KLHL3: variants seen among roughly 807,000 people sequenced by gnomAD.
KLHL3 encodes kelch like family member 3, also known as kelch-like protein 3.
A neutral mutation model predicts 70.5 loss-of-function variants in KLHL3; 19 were observed. That is an observed-to-expected ratio of 0.27 (90% CI 0.19 to 0.40). The LOEUF (loss-of-function observed/expected upper bound fraction) is 0.40. Ranked by LOEUF, KLHL3 falls within the 10% of genes least tolerant of loss-of-function variation. The pLI is 1.00. For synonymous variants in KLHL3, 258 were observed against 290.3 expected (o/e 0.89, Z 1.13); for missense variants, 512 against 771.1 (o/e 0.66, Z 3.98).
intron 6 of KLHL3, chr5:137,674,016 T>C (rs559524512): frequency 4.6e-5 from 7 of 152,312 alleles, no homozygotes; most frequent in African/African-American, 1.4e-4. Context: ...TCAACAGTTA[T>C]GACTACTACT....
At chr5:137,693,037 C>G (rs1322669276) in intron 4 of KLHL3, among the ~76,000 whole-genome samples, 1 of 152,198 alleles carries the variant, frequency 6.6e-6, no homozygotes, top group African/African-American at 2.4e-5. Flanking sequence ...CACTGTCCCA[C>G]AACCTTCAGT....
At chr5:137,654,684 G>A (rs905282121) in intron 8 of KLHL3, among the ~76,000 whole-genome samples, 1 of 152,216 alleles carries the variant, frequency 6.6e-6, no homozygotes, top group African/African-American at 2.4e-5. Flanking sequence ...GAGACAAAGA[G>A]TAGTGATGTC....
At chr5:137,662,559 G>A (rs1244628805) in intron 6 of KLHL3, among the ~76,000 whole-genome samples, 2 of 152,166 alleles carry the variant, frequency 1.3e-5, no homozygotes, top group African/African-American at 4.8e-5. Flanking sequence ...GACACTGAAT[G>A]ACAAGGAATG....
intron 3 of KLHL3, chr5:137,706,034 A>G (rs1464284087): frequency 2.0e-6 from 2 of 985,374 alleles, no homozygotes; most frequent in African/African-American, 3.5e-5. Flanking sequence ...ACACTCTCTG[A>G]TGGGCACTCA....
At position 137,617,501 on chromosome 5, in the gene KLHL3, T is replaced by C. The variant is rs1029692886; in HGVS notation, c.*4597A>G. 5.9e-5 allele frequency: 9 copies of C among 152,224 alleles called. No individual in the cohort carries two copies. Among genetic ancestry groups the C allele is most frequent in the African/African-American group, 2.2e-4 (9 of 41,460 alleles). The allele number at this position is 152,224 out of a possible 1,614,324, so 9.4% of individuals were successfully genotyped here. ...ATAGAAATGAAATACTGAGAAAAGTTCACACAGTTCAGCTTTTATTAAAAT... is the reference window on the plus strand; with the variant it reads ...ATAGAAATGAAATACTGAGAAAAGTCCACACAGTTCAGCTTTTATTAAAAT... On this transcript the variant is annotated 3_prime_UTR_variant, in exon 15 of 15. Transcript: ENST00000309755.
At chr5:137,724,446 A>G (rs1388550022) in intron 1 of KLHL3, among the ~76,000 whole-genome samples, 1 of 152,214 alleles carries the variant, frequency 6.6e-6, no homozygotes, top group Non-Finnish European at 1.5e-5. Flanking sequence ...ATAATGATGT[A>G]TCCCCTGTTG....
At chr5:137,727,781 C>T (rs1580790135) in intron 1 of KLHL3, among the ~76,000 whole-genome samples, 1 of 152,110 alleles carries the variant, frequency 6.6e-6, no homozygotes, top group East Asian at 1.9e-4. Flanking sequence ...TACTGTGCTT[C>T]CTTCTGTATT....
At position 137,732,489 on chromosome 5, in the gene KLHL3, T is replaced by A. The variant is rs1753194593; in HGVS notation, c.14+3144A>T. ...TTGTCTATAAAAAGAAAGATTAAGG[T>A]AGATCTTGGTGAAACCTAAAAGAAG... On this transcript the variant is annotated intron_variant, in intron 1 of 14. Coordinates refer to ENST00000309755, the MANE Select transcript of KLHL3 (RefSeq NM_017415.3). Among the ~76,000 whole-genome samples, 3 of 150,492 alleles carry A rather than the reference T, an allele frequency of 2.0e-5. 1 individual carries two copies. The Admixed American group carries it at 2.0e-4, about 10-fold the overall frequency.
intron 3 of KLHL3, among the ~76,000 whole-genome samples, chr5:137,704,909 A>G (rs1030667384): frequency 2.6e-5 from 4 of 152,202 alleles, no homozygotes; most frequent in African/African-American, 9.7e-5. Context: ...GCCCTATGTC[A>G]CTGTCACTTA....
intron 5 of KLHL3, among the ~76,000 whole-genome samples, chr5:137,689,824 A>G (rs1403842097): frequency 6.6e-6 from 1 of 152,244 alleles, no homozygotes; most frequent in Admixed American, 6.5e-5. Context: ...GTAATTTTAA[A>G]TTTTAAAAAA....
intron 1 of KLHL3, among the ~76,000 whole-genome samples, chr5:137,735,128 C>A (rs1753239562): frequency 6.6e-6 from 1 of 152,168 alleles, no homozygotes; most frequent in South Asian, 2.1e-4. Context: ...CAGGCATACA[C>A]GGCGTGCACG....
At chr5:137,651,245 G>A (rs1165278723) in intron 8 of KLHL3, among the ~76,000 whole-genome samples, 8 of 152,192 alleles carry the variant, frequency 5.3e-5, no homozygotes, top group South Asian at 2.1e-4. Context: ...CTACAGTTGC[G>A]TAGAGGAGCT....
At chr5:137,658,621 A>G (rs4835650) in intron 7 of KLHL3, among the ~76,000 whole-genome samples, 144,830 of 152,292 alleles carry the variant, frequency 0.95, 69,303 homozygotes, top group East Asian at 1. Flanking sequence ...ACAAGTAGCC[A>G]TCCTGAAAGC....
intron 1 of KLHL3, among the ~76,000 whole-genome samples, chr5:137,727,343 G>A (rs762853840): frequency 6.6e-6 from 1 of 151,802 alleles, no homozygotes; most frequent in African/African-American, 2.4e-5. Flanking sequence ...CCCATTCCAG[G>A]TCATCATTGT....
chr5:137,731,881 A>C (rs1294232280), intron 1 of KLHL3, among the ~76,000 whole-genome samples: 23 of 152,066 alleles, frequency 1.5e-4, no homozygotes, highest in Admixed American at 1.5e-3. Flanking sequence ...AAAATGTATA[A>C]TTTTAACCGT....
intron 1 of KLHL3, among the ~76,000 whole-genome samples, chr5:137,733,858 C>A (rs538862550): frequency 6.6e-6 from 1 of 152,190 alleles, no homozygotes; most frequent in Admixed American, 6.5e-5. Context: ...AAGACTTGAA[C>A]GCGTGGCATG....
Position 137,709,919 on chromosome 5 carries a change from AG to A in KLHL3, c.135-64del, listed in dbSNP as rs1752760865. Reference sequence around the variant, plus strand: ...CAAGGACACCTACCCTCATCTTACAAGGGTATTTTTTTCTCCCACCCAGATT... The same window carrying A: ...CAAGGACACCTACCCTCATCTTACAAGGTATTTTTTTCTCCCACCCAGATT... On this transcript the variant is annotated intron_variant, in intron 2 of 14. Transcript: ENST00000309755. The A allele has an allele frequency of 4.5e-6, 6 of 1,337,144 alleles. No individual in the cohort carries two copies. In the South Asian group the frequency reaches 7.0e-5, roughly 16 times the overall value. 82.8% of individuals were successfully genotyped at this position (1,337,144 alleles called of 1,614,324 possible). A position where few individuals can be genotyped will look rare whatever the true frequency, so the allele number is the denominator to read the frequency against.
rs1284249324 is a variant in KLHL3, at chr5:137,619,648, G to A, written c.*2450C>T. The A allele has an allele frequency of 6.5e-6, 1 of 152,772 alleles. No individual in the cohort carries two copies. Among genetic ancestry groups the A allele is most frequent in the African/African-American group, 2.4e-5 (1 of 41,456 alleles). The allele number at this position is 152,772 out of a possible 1,614,324, so 9.5% of individuals were successfully genotyped here. A position where few individuals can be genotyped will look rare whatever the true frequency, so the allele number is the denominator to read the frequency against. Reference sequence around the variant, plus strand: ...TTTTGGTGGCATCTGTGGGCAGCTAGAGCAGATTGGCTTTGGTGATGACGT... The same window carrying A: ...TTTTGGTGGCATCTGTGGGCAGCTAAAGCAGATTGGCTTTGGTGATGACGT... On this transcript the variant is annotated 3_prime_UTR_variant, in exon 15 of 15. Transcript: ENST00000309755.
chr5:137,733,569 A>G (rs1462801027), intron 1 of KLHL3, among the ~76,000 whole-genome samples: 1 of 152,240 alleles, frequency 6.6e-6, no homozygotes, highest in Admixed American at 6.5e-5. Flanking sequence ...GTGTCCAACT[A>G]TGAGATACAA....
Sources: allele counts gnomAD v4.1 joint callset (sites outside exome capture counted in the v4.1 genomes callset), GRCh38; gene constraint gnomAD v4.1.1; transcripts MANE v1.5; gene names NCBI Gene and HGNC (gene_info 2026-07-23, HGNC 2026-07-21).